Variants in NDUFAF2 observed in about 807,000 individuals in gnomAD.
NDUFAF2 encodes NADH:ubiquinone oxidoreductase complex assembly factor 2.
NDUFAF2 carries 13 observed loss-of-function variants against 22.8 expected under a neutral mutation model. The ratio of observed to expected loss-of-function variants is 0.57; its 90% CI spans 0.37 to 0.91. NDUFAF2 has a LOEUF of 0.91. NDUFAF2 is among the 40% of genes least tolerant of loss of function. NDUFAF2 has a pLI of 0.01. For missense variants in NDUFAF2, 162 were observed against 195.2 expected (o/e 0.83, Z 1.01); for synonymous variants, 53 against 64.2 (o/e 0.83, Z 0.84).
intron 1 of NDUFAF2, among the ~76,000 whole-genome samples, chr5:61,030,414 T>C (rs1751708662): frequency 6.6e-6 from 1 of 152,078 alleles, no homozygotes; most frequent in Non-Finnish European, 1.5e-5. Context: ...CATTCCCCAG[T>C]TTATTCATTC....
At chr5:61,131,063 G>A (rs1411170954) in intron 3 of NDUFAF2, among the ~76,000 whole-genome samples, 2 of 152,124 alleles carry the variant, frequency 1.3e-5, no homozygotes, top group African/African-American at 4.8e-5. Context: ...CCTAGACAAA[G>A]TTAAGCCAAA....
intron 3 of NDUFAF2, among the ~76,000 whole-genome samples, chr5:61,111,116 A>G (rs993205633): frequency 6.6e-6 from 1 of 152,172 alleles, no homozygotes. Flanking sequence ...GTGTTTGTAT[A>G]GTTTCCAAAA....
In NDUFAF2 at chr5:61,129,374, A is replaced by G. The variant is rs1753078883; in HGVS notation, c.259-23330A>G. 2.6e-5 allele frequency among the ~76,000 whole-genome samples: 4 copies of G among 152,192 alleles called. No individual in the cohort carries two copies. The South Asian group carries it at 8.3e-4, about 32-fold the overall frequency. ...TTATTGCAGCACTATTCACAATAACAAAGACTTGGAACCAACCCAAATGTC... is the reference window on the plus strand; with the variant it reads ...TTATTGCAGCACTATTCACAATAACGAAGACTTGGAACCAACCCAAATGTC... On this transcript the variant is annotated intron_variant, in intron 3 of 3. Transcript: ENST00000296597.
chr5:61,071,464 T>C (rs1277731339), intron 1 of NDUFAF2, among the ~76,000 whole-genome samples: 1 of 152,218 alleles, frequency 6.6e-6, no homozygotes, highest in Non-Finnish European at 1.5e-5. Flanking sequence ...TCTTAGGCTT[T>C]CCTTTTATGT....
chr5:60,963,788 G>A (rs560499916), intron 1 of NDUFAF2, among the ~76,000 whole-genome samples: 2 of 152,212 alleles, frequency 1.3e-5, no homozygotes, highest in Non-Finnish European at 2.9e-5. Context: ...AACTAGGTTA[G>A]AGTTGAGATC....
intron 1 of NDUFAF2, among the ~76,000 whole-genome samples, chr5:61,000,149 T>C (rs748873805): frequency 2.6e-5 from 4 of 152,148 alleles, no homozygotes; most frequent in Non-Finnish European, 4.4e-5. Context: ...CTATGGAATT[T>C]GTCAGTATTA....
rs748265352 is a variant in NDUFAF2, at chr5:61,073,215, G to T, written c.217+1G>T. 3 of 1,604,398 alleles carry T rather than the reference G, an allele frequency of 1.9e-6. No homozygotes were observed. Among genetic ancestry groups the T allele is most frequent in the Non-Finnish European group, 2.6e-6 (3 of 1,171,360 alleles). On this transcript the variant is annotated splice_donor_variant, in intron 2 of 3. Transcript: ENST00000296597. LOFTEE classifies it high-confidence loss of function. Reference sequence around the variant, plus strand: ...GGGGATATTCCAACAGAATGGGAAGGTAAGTTTCTGCTTTTAGTAGAATCT... The same window carrying T: ...GGGGATATTCCAACAGAATGGGAAGTTAAGTTTCTGCTTTTAGTAGAATCT...
At chr5:60,959,072 T>C (rs933228095) in intron 1 of NDUFAF2, among the ~76,000 whole-genome samples, 1 of 152,112 alleles carries the variant, frequency 6.6e-6, no homozygotes, top group Admixed American at 6.5e-5. Context: ...GGATTTAAAA[T>C]ATACTAAAAA....
rs546346866 is a variant in NDUFAF2 at position 61,034,905 on chromosome 5, A to AATAT, written c.128-38215_128-38212dup. Among the ~76,000 whole-genome samples, 179 of 140,006 alleles carry AATAT rather than the reference A, an allele frequency of 1.3e-3. 1 individual carries two copies. The highest frequency in any genetic ancestry group is 4.5e-3 in the African/African-American group (170 of 37,868). The allele number at this position is 140,006 out of a possible 152,430, so 91.8% of individuals were successfully genotyped here. ...ATATTTGGGTTTTTTTAGGTAGGCAAATATATATGTGTGTGTGTGTGTGTG... is the reference window on the plus strand; with the variant it reads ...ATATTTGGGTTTTTTTAGGTAGGCAAATATATATATATGTGTGTGTGTGTGTGTG... On this transcript the variant is annotated intron_variant, in intron 1 of 3. Transcript: ENST00000296597.
intron 1 of NDUFAF2, among the ~76,000 whole-genome samples, chr5:61,024,152 T>A (rs1751621679): frequency 6.6e-6 from 1 of 152,190 alleles, no homozygotes; most frequent in South Asian, 2.1e-4. Context: ...AAGAATTTTC[T>A]GTTTTTTTTA....
At chr5:61,058,459 G>T (rs1399932835) in intron 1 of NDUFAF2, among the ~76,000 whole-genome samples, 1 of 151,724 alleles carries the variant, frequency 6.6e-6, no homozygotes, top group African/African-American at 2.4e-5. Flanking sequence ...GAATTTGTTT[G>T]CTTGAGTCAC....
chr5:61,142,865 T>C (rs182877998), intron 3 of NDUFAF2, among the ~76,000 whole-genome samples: 6 of 152,328 alleles, frequency 3.9e-5, no homozygotes, highest in African/African-American at 1.2e-4. Flanking sequence ...TACCTTTTGG[T>C]GATCTATGCA....
chr5:61,090,647 G>GA (rs925738461), intron 2 of NDUFAF2, among the ~76,000 whole-genome samples: 5 of 151,504 alleles, frequency 3.3e-5, no homozygotes, highest in South Asian at 2.1e-4. Flanking sequence ...CTGTTTTCTA[G>GA]AAAAAAAATC....
chr5:61,035,902 C>T (rs1050941475), intron 1 of NDUFAF2, among the ~76,000 whole-genome samples: 2 of 151,866 alleles, frequency 1.3e-5, no homozygotes, highest in Non-Finnish European at 2.9e-5. Context: ...GTTAAAAATC[C>T]GTCATACTAT....
chr5:61,034,438 G>A (rs1006408197), intron 1 of NDUFAF2, among the ~76,000 whole-genome samples: 5 of 152,070 alleles, frequency 3.3e-5, no homozygotes, highest in South Asian at 4.1e-4. Context: ...GTAACACAAC[G>A]GTATTTGTGT....
intron 2 of NDUFAF2, among the ~76,000 whole-genome samples, chr5:61,086,207 A>G (rs948178967): frequency 7.2e-5 from 11 of 152,220 alleles, no homozygotes. Context: ...TACAATTTTC[A>G]TAGATCAGAA....
intron 1 of NDUFAF2, among the ~76,000 whole-genome samples, chr5:61,030,320 A>G (rs1751707600): frequency 6.6e-6 from 1 of 152,124 alleles, no homozygotes; most frequent in Non-Finnish European, 1.5e-5. Flanking sequence ...CATGACAAGG[A>G]GGGAACCTTA....
chr5:61,150,546 T>C (rs545118036), intron 3 of NDUFAF2, among the ~76,000 whole-genome samples: 1 of 152,274 alleles, frequency 6.6e-6, no homozygotes, highest in Non-Finnish European at 1.5e-5. Context: ...CAAGAACAGA[T>C]CTTTGCCCTC....
chr5:60,980,118 C>G (rs373215720), intron 1 of NDUFAF2, among the ~76,000 whole-genome samples: 1 of 152,120 alleles, frequency 6.6e-6, no homozygotes, highest in Non-Finnish European at 1.5e-5. Flanking sequence ...CAGATATTAC[C>G]GCAATGACCA....
Sources: allele counts gnomAD v4.1 joint callset (sites outside exome capture counted in the v4.1 genomes callset), GRCh38; gene constraint gnomAD v4.1.1; transcripts MANE v1.5; gene names NCBI Gene and HGNC (gene_info 2026-07-23, HGNC 2026-07-21).